TRPM3: variants seen among roughly 807,000 people sequenced by gnomAD.
TRPM3 encodes the protein transient receptor potential cation channel subfamily M member 3.
In TRPM3, 77 loss-of-function variants were observed where a neutral mutation model predicts 181.2. The observed-to-expected ratio is 0.42, with a 90% CI of 0.35 to 0.51. The LOEUF is 0.51. Ranked by LOEUF, TRPM3 falls within the 20% of genes least tolerant of loss-of-function variation. TRPM3 has a pLI of 0.01. For missense variants in TRPM3, 1,759 were observed against 2,196.7 expected (o/e 0.80, Z 3.98); for synonymous variants, 745 against 796.4 (o/e 0.94, Z 1.09).
At chr9:70,940,753 C>T (rs13290786) in intron 1 of TRPM3, among the ~76,000 whole-genome samples, 19,689 of 151,994 alleles carry the variant, frequency 0.13, 1,695 homozygotes, top group East Asian at 0.34. Flanking sequence ...TGAGAAATTT[C>T]GGGACAGGGA....
At chr9:70,562,653 G>T (rs2049419003) in intron 22 of TRPM3, among the ~76,000 whole-genome samples, 1 of 151,076 alleles carries the variant, frequency 6.6e-6, no homozygotes, top group Non-Finnish European at 1.5e-5. Flanking sequence ...CGTCCTGGGG[G>T]AGAAGTGGGG....
At chr9:70,674,174 C>T (rs545392548) in intron 9 of TRPM3, among the ~76,000 whole-genome samples, 1 of 152,188 alleles carries the variant, frequency 6.6e-6, no homozygotes, top group African/African-American at 2.4e-5. Flanking sequence ...TTTTTATTAT[C>T]AAAGTTAGGC....
At chr9:70,539,824 C>A (rs1002411826) in intron 25 of TRPM3, among the ~76,000 whole-genome samples, 3 of 152,040 alleles carry the variant, frequency 2.0e-5, no homozygotes, top group African/African-American at 7.2e-5. Context: ...ACAATGCAAT[C>A]TGTTATATTT....
chr9:70,740,759 A>C (rs2073894614), intron 8 of TRPM3, among the ~76,000 whole-genome samples: 1 of 152,228 alleles, frequency 6.6e-6, no homozygotes, highest in Non-Finnish European at 1.5e-5. Context: ...ATTGGCAATC[A>C]CATGTAGAAG....
chr9:70,879,807 C>T (rs892055787), intron 1 of TRPM3, among the ~76,000 whole-genome samples: 5 of 152,088 alleles, frequency 3.3e-5, no homozygotes, highest in Non-Finnish European at 7.4e-5. Flanking sequence ...AATATTGGGA[C>T]AAATGTAACT....
chr9:71,006,833 T>C (rs1311148090), intron 1 of TRPM3, among the ~76,000 whole-genome samples: 3 of 139,582 alleles, frequency 2.1e-5, no homozygotes, highest in Non-Finnish European at 1.5e-5. Context: ...ATCGCGCCAC[T>C]GCACTCCAGC....
intron 5 of TRPM3, among the ~76,000 whole-genome samples, chr9:70,836,066 CTAT>C (rs575976853): frequency 2.5e-4 from 38 of 152,138 alleles, no homozygotes; most frequent in African/African-American, 8.9e-4. Flanking sequence ...GTTGTTGGGG[CTAT>C]TATTATTATT....
chr9:71,174,374 T>C (rs757153043), intron 1 of TRPM3, among the ~76,000 whole-genome samples: 2 of 152,120 alleles, frequency 1.3e-5, no homozygotes, highest in Non-Finnish European at 2.9e-5. Context: ...AAACCCAGTC[T>C]CTACTAAAAA....
intron 25 of TRPM3, among the ~76,000 whole-genome samples, chr9:70,540,319 T>C (rs918274638): frequency 6.6e-6 from 1 of 152,208 alleles, no homozygotes; most frequent in African/African-American, 2.4e-5. Flanking sequence ...TCCCTTTCTC[T>C]CTGGAGCCCA....
At chr9:71,054,142 C>A (rs1184074425) in intron 1 of TRPM3, among the ~76,000 whole-genome samples, 1 of 152,036 alleles carries the variant, frequency 6.6e-6, no homozygotes, top group Non-Finnish European at 1.5e-5. Flanking sequence ...AGAAAGATGA[C>A]TTTTCAGCTT....
chr9:71,038,563 C>T (rs1482118503), intron 1 of TRPM3, among the ~76,000 whole-genome samples: 1 of 152,084 alleles, frequency 6.6e-6, no homozygotes, highest in Admixed American at 6.6e-5. Context: ...TCCCTCTCTC[C>T]TTATCATCTT....
intron 1 of TRPM3, among the ~76,000 whole-genome samples, chr9:70,878,319 G>T (rs1466269415): frequency 1.3e-5 from 2 of 152,076 alleles, no homozygotes; most frequent in African/African-American, 4.8e-5. Flanking sequence ...CTTCATTAAA[G>T]TCGATGCTAC....
At chr9:70,878,939 G>A (rs2095926244) in intron 1 of TRPM3, among the ~76,000 whole-genome samples, 1 of 152,038 alleles carries the variant, frequency 6.6e-6, no homozygotes, top group African/African-American at 2.4e-5. Context: ...TCAATCAGAG[G>A]GAGTAAAGAT....
chr9:71,213,150 A>G (rs1488291984), intron 1 of TRPM3, among the ~76,000 whole-genome samples: 1 of 152,214 alleles, frequency 6.6e-6, no homozygotes. Flanking sequence ...CTATTCCACT[A>G]TGGCACTGCA....
chr9:71,232,101 T>A (rs2081087459), intron 1 of TRPM3, among the ~76,000 whole-genome samples: 1 of 152,210 alleles, frequency 6.6e-6, no homozygotes. Flanking sequence ...TTAAAAATGA[T>A]GGCTAGCTTT....
chr9:70,545,420 A>C (rs556380753), intron 25 of TRPM3, among the ~76,000 whole-genome samples: 84 of 152,356 alleles, frequency 5.5e-4, no homozygotes, highest in African/African-American at 2.0e-3. Context: ...TCTGCTGGAA[A>C]GCAGGATAAG....
At chr9:70,668,672 GAAAA>G (rs57929544) in intron 9 of TRPM3, among the ~76,000 whole-genome samples, 181 of 86,520 alleles carry the variant, frequency 2.1e-3, no homozygotes, top group African/African-American at 5.4e-3. Context: ...CTCAAAAAAA[GAAAA>G]AAAAAAAAAA....
intron 1 of TRPM3, among the ~76,000 whole-genome samples, chr9:71,445,451 A>C (rs571770255): frequency 6.6e-6 from 1 of 152,212 alleles, no homozygotes; most frequent in Non-Finnish European, 1.5e-5. Flanking sequence ...GCGGTGCTAT[A>C]CCCATATTTA....
In TRPM3 at chr9:71,404,008, G is replaced by T. The variant is rs187867158; in HGVS notation, c.183+42645C>A. Among the ~76,000 whole-genome samples the T allele has an allele frequency of 2.3e-3, 347 of 152,282 alleles. 4 individuals carry two copies. Among genetic ancestry groups the T allele is most frequent in the African/African-American group, 8.0e-3 (334 of 41,546 alleles). ...TGATATACTGAGGCAGAGTAAGCTA[G>T]AAAATAGCAGGGTTTTTGAATTAGA... On this transcript the variant is annotated intron_variant, in intron 1 of 24. Transcript: ENST00000357533.
Sources: allele counts gnomAD v4.1 joint callset (sites outside exome capture counted in the v4.1 genomes callset), GRCh38; gene constraint gnomAD v4.1.1; transcripts MANE v1.5; gene names NCBI Gene and HGNC (gene_info 2026-07-23, HGNC 2026-07-21).